The following SYT1 variants were observed in gnomAD, a reference collection of about 807,000 sequenced individuals.
SYT1 encodes synaptotagmin-1.
In SYT1, 8 loss-of-function variants were observed where a neutral mutation model predicts 44.8. The observed-to-expected ratio is 0.18, with a 90% confidence interval of 0.10 to 0.32. The LOEUF (loss-of-function observed/expected upper bound fraction) is 0.32. Ranked by LOEUF, SYT1 falls within the 10% of genes least tolerant of loss-of-function variation. The pLI is 1.00. For synonymous variants in SYT1, 154 were observed against 188.8 expected, an observed-to-expected ratio of 0.82 and a Z score of 1.51; for missense variants, 286 against 509.3, an observed-to-expected ratio of 0.56 and a Z score of 4.22.
intron 4 of SYT1, among the ~76,000 whole-genome samples, chr12:79,276,556 G>C (rs546738730): frequency 6.6e-6 from 1 of 151,290 alleles, no homozygotes; most frequent in Non-Finnish European, 1.5e-5. Flanking sequence ...CACACCTCTA[G>C]TCCCAGCTAC....
At chr12:79,254,255 T>C (rs1044776452) in intron 4 of SYT1, among the ~76,000 whole-genome samples, 1 of 152,174 alleles carries the variant, frequency 6.6e-6, no homozygotes, top group African/African-American at 2.4e-5. Context: ...TCATTTACCA[T>C]TCCAAAAATT....
intron 9 of SYT1, among the ~76,000 whole-genome samples, chr12:79,363,394 T>C (rs530144445): frequency 1.3e-5 from 2 of 152,070 alleles, no homozygotes; most frequent in African/African-American, 4.8e-5. Context: ...ACTATAATAA[T>C]GCTCAGAAAT....
intron 9 of SYT1, among the ~76,000 whole-genome samples, chr12:79,357,475 T>G (rs954346676): frequency 6.6e-6 from 1 of 152,208 alleles, no homozygotes; most frequent in African/African-American, 2.4e-5. Flanking sequence ...CTAAGCTATG[T>G]GGTATGGCTT....
chr12:79,353,541 G>A lies in SYT1; in HGVS notation c.850G>A (p.Val284Ile), dbSNP rs1882993608. 1.2e-6 allele frequency: 2 copies of A among 1,614,016 alleles called. No individual in the cohort carries two copies. Among genetic ancestry groups the A allele is most frequent in the African/African-American group, 1.3e-5 (1 of 75,018 alleles). ...TGATATCTGCTTCTCCCTTCGCTAC[G>A]TACCTACTGCTGGTAAGCTGACTGT... ...LGDICFSLRY[V>I]PTAGKLTVVI... Residue 284 changes from valine (V) to isoleucine (I), a missense_variant, in exon 9 of 11, where the codon GTA (valine) becomes ATA (isoleucine). Val to Ile is a conservative substitution (Grantham distance 29). Around this residue, in one of 6 missense-constraint regions of SYT1, gnomAD observed 15 missense variants for 84.6 expected, o/e 0.18. Coordinates refer to ENST00000261205, the MANE Select transcript of SYT1 (RefSeq NM_005639.3).
intron 9 of SYT1, among the ~76,000 whole-genome samples, chr12:79,371,040 T>C (rs984527698): frequency 1.3e-4 from 20 of 152,180 alleles, no homozygotes; most frequent in Non-Finnish European, 5.9e-5. Flanking sequence ...CTGCTAATAA[T>C]AATTATAGTT....
chr12:79,234,945 G>A (rs183551989), intron 4 of SYT1, among the ~76,000 whole-genome samples: 3 of 152,120 alleles, frequency 2.0e-5, no homozygotes, highest in East Asian at 3.9e-4. Flanking sequence ...TCTTGGCTTC[G>A]TGATCCACCC....
chr12:79,304,793 T>C (rs906928282), intron 8 of SYT1, among the ~76,000 whole-genome samples: 1 of 152,014 alleles, frequency 6.6e-6, no homozygotes. Flanking sequence ...TTTTATAATA[T>C]AGTAGATATA....
At position 79,009,053 on chromosome 12, in the gene SYT1, T is replaced by G. The variant is rs571025102; in HGVS notation, c.-84+31122T>G. 3.3e-5 allele frequency among the ~76,000 whole-genome samples: 5 copies of G among 152,300 alleles called. No individual in the cohort carries two copies. The East Asian group carries it at 9.6e-4, about 29-fold the overall frequency. On this transcript the variant is annotated intron_variant, in intron 2 of 10. Coordinates refer to ENST00000261205, the MANE Select transcript of SYT1 (RefSeq NM_005639.3). Reference sequence around the variant, plus strand: ...GATTGTTCCATTTAGTGGCCTTCCATCAAATTTAAAATATGAGTTGTTCAC... The same window carrying G: ...GATTGTTCCATTTAGTGGCCTTCCAGCAAATTTAAAATATGAGTTGTTCAC...
intron 2 of SYT1, among the ~76,000 whole-genome samples, chr12:79,040,367 T>C (rs1345800834): frequency 1.3e-5 from 2 of 152,356 alleles, no homozygotes; most frequent in East Asian, 3.9e-4. Flanking sequence ...ATTTCTCTGA[T>C]GGCCAGTGAT....
intron 3 of SYT1, among the ~76,000 whole-genome samples, chr12:79,080,842 CT>C (rs1482841248): frequency 1.3e-5 from 2 of 152,284 alleles, no homozygotes; most frequent in East Asian, 3.9e-4. Context: ...ACTTTCAATA[CT>C]TCGTCAAAAC....
intron 8 of SYT1, among the ~76,000 whole-genome samples, chr12:79,327,994 G>C (rs530952600): frequency 6.6e-6 from 1 of 152,140 alleles, no homozygotes; most frequent in Non-Finnish European, 1.5e-5. Context: ...GAAGGTGGGA[G>C]TTAACATTTT....
chr12:79,217,456 G>A, intron 3 of SYT1, 47 bp from the exon 4 acceptor site: 1 of 1,458,360 alleles, frequency 6.9e-7, no homozygotes. Flanking sequence ...TGTGGGAGCA[G>A]TTAAGCCATT....
At chr12:78,926,788 T>C (rs1418937887) in intron 1 of SYT1, 2 of 152,124 alleles carry the variant, frequency 1.3e-5, no homozygotes, top group Non-Finnish European at 2.9e-5. Flanking sequence ...CTATATTCTT[T>C]ATAGTATATA....
rs1049303572 is a variant in SYT1 at position 79,415,763 on chromosome 12, A to G, written c.929-28310A>G. Among the ~76,000 whole-genome samples the G allele has an allele frequency of 3.3e-5, 5 of 152,196 alleles. No homozygotes were observed. The East Asian group carries it at 9.6e-4, about 29-fold the overall frequency. On this transcript the variant is annotated intron_variant, in intron 9 of 10. Transcript: ENST00000261205. The stretch of plus-strand genomic sequence containing the variant: ...GACTGAAAGGGAATATGCATTTTAA[A>G]TGTTAATAGATGTTGCCAAAATTAA...
chr12:79,123,374 A>G (rs1868316550), intron 3 of SYT1, among the ~76,000 whole-genome samples: 1 of 149,218 alleles, frequency 6.7e-6, no homozygotes, highest in Non-Finnish European at 1.5e-5. Flanking sequence ...CTCAGAAATC[A>G]GGTAAGCAAG....
intron 10 of SYT1, among the ~76,000 whole-genome samples, chr12:79,445,219 A>T (rs906988546): frequency 1.3e-5 from 2 of 152,116 alleles, no homozygotes; most frequent in African/African-American, 4.8e-5. Context: ...CATGGGGCAC[A>T]TAGTAATGTT....
intron 3 of SYT1, among the ~76,000 whole-genome samples, chr12:79,140,061 G>T (rs1869459697): frequency 2.0e-5 from 3 of 152,152 alleles, no homozygotes; most frequent in African/African-American, 7.2e-5. Context: ...CCTCCCCTTT[G>T]CCCCTGGGCT....
chr12:79,170,583 T>C (rs1311135886), intron 3 of SYT1, among the ~76,000 whole-genome samples: 1 of 152,108 alleles, frequency 6.6e-6, no homozygotes, highest in African/African-American at 2.4e-5. Flanking sequence ...AAGTTCCTTA[T>C]GGATGCTGGA....
intron 9 of SYT1, among the ~76,000 whole-genome samples, chr12:79,417,032 TACTC>T (rs1868784625): frequency 6.6e-6 from 1 of 152,140 alleles, no homozygotes; most frequent in Middle Eastern, 3.2e-3. Flanking sequence ...ATTTGTAACT[TACTC>T]TGAATTGCAA....
Sources: allele counts gnomAD v4.1 joint callset (sites outside exome capture counted in the v4.1 genomes callset), GRCh38; gene constraint gnomAD v4.1.1; regional missense constraint gnomAD v4.1.1; transcripts MANE v1.5; gene names NCBI Gene and HGNC (gene_info 2026-07-23, HGNC 2026-07-21).